The following SALL1 variants were observed in gnomAD, a reference collection of about 807,000 sequenced individuals.
SALL1 encodes the protein sal-like protein 1.
SALL1 carries 10 observed loss-of-function variants against 73.1 expected under a neutral mutation model. The observed-to-expected ratio is 0.14, with a 90% CI of 0.08 to 0.23. SALL1 has a LOEUF of 0.23. Ranked by LOEUF, SALL1 falls within the 10% of genes least tolerant of loss-of-function variation. The pLI, the probability that SALL1 is intolerant of heterozygous loss-of-function variation, is 1.00. For synonymous variants in SALL1, 688 were observed against 689.8 expected, an observed-to-expected ratio of 1.00 and a Z score of 0.04; for missense variants, 1,520 against 1,697.3, an observed-to-expected ratio of 0.90 and a Z score of 1.84.
Position 51,140,911 on chromosome 16 carries a change from T to C in SALL1, c.1311A>G (p.Glu437=). ...ATGCCTCATCGGAAGTACTTTTCGC[T>C]TCAAAGGCAGTGACATTTGGTGGCT... is the stretch of plus-strand genomic sequence containing the variant. ...KSKPPNVTAF[E]AKSTSDEAFF... is the part of the protein sequence containing the mutation. The change falls in exon 2 of 3, where the codon GAA becomes GAG. Residue 437 remains glutamate, a synonymous_variant. Transcript: ENST00000251020. The surrounding 1 kb of genome is among the most constrained non-coding windows in gnomAD (Gnocchi z 5.7). The C allele has an allele frequency of 6.2e-7, 1 of 1,614,218 alleles. No individual in the cohort carries two copies. The highest frequency in any genetic ancestry group is 1.1e-5 in the South Asian group (1 of 91,086).
In SALL1 at chr16:51,140,241, G is replaced by T. The variant is rs1333142713; in HGVS notation, c.1981C>A (p.Pro661Thr). ...TGCTCGGACATGAGCGGCAACAAAG[G>T]GTTGGTGAAGGTGGTGGCACTGCCC... Reference protein sequence around the residue: ...PAGSATTFTNPLLPLMSEQFK... With the variant: ...PAGSATTFTNTLLPLMSEQFK... The change falls in exon 2 of 3, where the codon CCT becomes ACT. Residue 661 changes from proline (P) to threonine (T), a missense_variant. This residue lies in a region of SALL1 where 276 missense variants were observed against 259.1 expected (regional missense o/e 1.07). Transcript: ENST00000251020. The surrounding 1 kb of genome is among the most constrained non-coding windows in gnomAD (Gnocchi z 5.7). 1.2e-6 allele frequency: 2 copies of T among 1,614,208 alleles called. No individual in the cohort carries two copies. The highest frequency in any genetic ancestry group is 4.5e-5 in the East Asian group (2 of 44,868).
chr16:51,146,301 C>T (rs144011343), intron 1 of SALL1, among the ~76,000 whole-genome samples: 2 of 152,180 alleles, frequency 1.3e-5, no homozygotes, highest in Admixed American at 1.3e-4. Context: ...TCCAAGCCCA[C>T]CTAATGTACA....
At chr16:51,142,197 C>T in intron 1 of SALL1, 52 bp from the exon 2 acceptor site, 1 of 1,351,566 alleles carries the variant, frequency 7.4e-7, no homozygotes, top group Non-Finnish European at 1.1e-6. Context: ...GACACACAGT[C>T]ACCTATGACT....
At position 51,141,030 on chromosome 16, in the gene SALL1, C is replaced by A; in HGVS notation, c.1192G>T (p.Ala398Ser). Residue 398 changes from alanine (A) to serine (S), a missense_variant, in exon 2 of 3, where the codon GCT becomes TCT. Coordinates refer to ENST00000251020, the MANE Select transcript of SALL1 (RefSeq NM_002968.3). The surrounding 1 kb of genome is among the most constrained non-coding windows in gnomAD (Gnocchi z 5.4). ...AAAGGGCTGGGGAAAACCGAGTTAG[C>A]GGAGGCTTGCTGAGGTAGAAGTGGA... ...SNPLLPQQAS[A>S]NSVFPSPLPN... 6.2e-7 allele frequency: 1 copy of A among 1,614,124 alleles called. No homozygotes were observed. Among genetic ancestry groups the A allele is most frequent in the Non-Finnish European group, 8.5e-7 (1 of 1,180,040 alleles).
At chr16:51,137,584 G>C (rs1240766839) in intron 2 of SALL1, 32 bp from the exon 3 acceptor site, 1 of 873,692 alleles carries the variant, frequency 1.1e-6, no homozygotes, top group Non-Finnish European at 1.6e-6. Flanking sequence ...CAGAGAGACA[G>C]AGAGAGAGAG....
intron 1 of SALL1, among the ~76,000 whole-genome samples, chr16:51,144,590 G>A (rs56055440): frequency 5.3e-5 from 8 of 152,072 alleles, no homozygotes; most frequent in Non-Finnish European, 1.0e-4. Context: ...CTGTGCTCAC[G>A]ATTAAAAGAG....
chr16:51,151,314 A>C, upstream of SALL1: 1 of 1,199,872 alleles, frequency 8.3e-7, no homozygotes, highest in Non-Finnish European at 1.1e-6. Context: ...ACGGAAATCG[A>C]GCGGCGGCGG....
chr16:51,140,181 CCAG>C lies in SALL1; in HGVS notation c.2038_2040del (p.Leu680del). On this transcript the variant is annotated inframe_deletion, in exon 2 of 3. Transcript: ENST00000251020. The surrounding 1 kb of genome is among the most constrained non-coding windows in gnomAD (Gnocchi z 5.7). ...GACGTCTCTGATGCCTGAGCTGAGT[CCAG>C]GAGTCCCCCAAAAGGAAACTTGGCC... The C allele has an allele frequency of 6.2e-7, 1 of 1,614,148 alleles. No individual in the cohort carries two copies.
chr16:51,136,982 A>C lies in SALL1; in HGVS notation c.*130T>G. 1 of 743,580 alleles carries C rather than the reference A, an allele frequency of 1.3e-6. No homozygotes were observed. Among genetic ancestry groups the C allele is most frequent in the Admixed American group, 2.1e-5 (1 of 47,392 alleles). 46.1% of individuals were successfully genotyped at this position (743,580 alleles called of 1,614,324 possible). On this transcript the variant is annotated 3_prime_UTR_variant, in exon 3 of 3. Transcript: ENST00000251020. ...GAACAAGGTACAAAAGAATGTCTTC[A>C]TAATGTTGTAGTTCATAGATCTGGG...
At position 51,138,972 on chromosome 16, in the gene SALL1, G is replaced by A; in HGVS notation, c.3250C>T (p.Leu1084Phe). 2 of 1,614,176 alleles carry A rather than the reference G, an allele frequency of 1.2e-6. No individual in the cohort carries two copies. Among genetic ancestry groups the A allele is most frequent in the South Asian group, 1.1e-5 (1 of 91,086 alleles). ...AAGCCGTTGACCTCTGTCTTGATGA[G>A]AGATGACAACGAGTTGGCGGGAATC... Reference protein sequence around the residue: ...AVIPANSLSSLIKTEVNGFVH... With the variant: ...AVIPANSLSSFIKTEVNGFVH... The change falls in exon 2 of 3, where the codon CTC becomes TTC. Residue 1084 changes from leucine (L) to phenylalanine (F), a missense_variant. Leu to Phe is a conservative substitution (Grantham distance 22, BLOSUM62 0). Around this residue, in one of 7 missense-constraint regions of SALL1, gnomAD observed 318 missense variants for 357.1 expected, o/e 0.89. Transcript: ENST00000251020.
rs1390849039 is a variant in SALL1, at chr16:51,151,230, C to T, written c.12G>A (p.Arg4=). 1.9e-6 allele frequency: 3 copies of T among 1,599,938 alleles called. No individual in the cohort carries two copies. The highest frequency in any genetic ancestry group is 2.6e-6 in the Non-Finnish European group (3 of 1,174,618). MSR[R]KQAKPQHFQS... ...GGAAATGTTGAGGCTTCGCTTGCTT[C>T]CTCCGCGACATGCTGGCTCAAACAT... The change falls in exon 1 of 3, where the codon AGG becomes AGA. Residue 4 remains arginine (R), a synonymous_variant. Transcript: ENST00000251020.
rs61740811 is a variant in SALL1, at chr16:51,139,912, G to A, written c.2310C>T (p.Ile770=). 7.2e-3 allele frequency: 11,607 copies of A among 1,614,160 alleles called. 663 individuals are homozygous for A. In the African/African-American group the frequency reaches 0.13, roughly 18 times the overall value. Residue 770 remains isoleucine (I), a synonymous_variant, in exon 2 of 3, where the codon ATC becomes ATT. Coordinates refer to ENST00000251020, the MANE Select transcript of SALL1 (RefSeq NM_002968.3). ...CAGCGTTCGTGAACTTCTTCTGGCA[G>A]ATGGGGCAGGAATGCTGGACTCTGA... is the stretch of plus-strand genomic sequence containing the variant. The part of the protein sequence containing the change: ...PPLRVQHSCP[I]CQKKFTNAVV...
intron 1 of SALL1, among the ~76,000 whole-genome samples, chr16:51,145,979 C>CTTTTTTTTTTTTTTTTTTTTT (rs372735955): frequency 1.6e-5 from 2 of 128,890 alleles, no homozygotes; most frequent in Non-Finnish European, 1.7e-5. Context: ...ATTGATTGGT[C>CTTTTTTTTTTTTTTTTTTTTT]TTTTTTTTTT....
Position 51,142,025 on chromosome 16 carries a change from G to A in SALL1, c.197C>T (p.Thr66Ile), listed in dbSNP as rs1348393486. 6 of 1,614,022 alleles carry A rather than the reference G, an allele frequency of 3.7e-6. No homozygotes were observed. In the South Asian group the frequency reaches 4.4e-5, roughly 12 times the overall value. Residue 66 changes from threonine (T) to isoleucine (I), a missense_variant, in exon 2 of 3, where the codon ACT becomes ATT. Thr to Ile is a moderately conservative substitution (Grantham distance 89). Coordinates refer to ENST00000251020, the MANE Select transcript of SALL1 (RefSeq NM_002968.3). ...TACGATTAAAACTAATTGATTTTTA[G>A]TACAGTTCTTCTTGTGGAGCAGAAG... ...SDLLLHKKNC[T>I]KNQLVLIVNE...
At position 51,139,203 on chromosome 16, in the gene SALL1, C is replaced by A; in HGVS notation, c.3019G>T (p.Gly1007Cys). ...KFKNTACDIC[G>C]KTFACQSALD... ...GCACTCTGACAAGCAAATGTTTTGCCACAAATGTCACAAGCAGTGTTTTTA... is the reference window on the plus strand; with the variant it reads ...GCACTCTGACAAGCAAATGTTTTGCAACAAATGTCACAAGCAGTGTTTTTA... The change falls in exon 2 of 3, where the codon GGC (glycine) becomes TGC (cysteine). Residue 1007 changes from glycine to cysteine, a missense_variant. By Grantham distance (159) the Gly-to-Cys change is radical (BLOSUM62 -3). This residue lies in a region of SALL1 where 266 missense variants were observed against 275.1 expected (regional missense o/e 0.97). Coordinates refer to ENST00000251020, the MANE Select transcript of SALL1 (RefSeq NM_002968.3). 1 of 1,614,160 alleles carries A rather than the reference C, an allele frequency of 6.2e-7. No homozygotes were observed. Among genetic ancestry groups the A allele is most frequent in the Non-Finnish European group, 8.5e-7 (1 of 1,180,044 alleles).
chr16:51,148,545 C>A (rs1268126179), intron 1 of SALL1, among the ~76,000 whole-genome samples: 2 of 152,052 alleles, frequency 1.3e-5, no homozygotes, highest in Non-Finnish European at 2.9e-5. Flanking sequence ...CAAAACAAAA[C>A]AGAAAATCCA....
rs767028554 is a variant in SALL1, at chr16:51,142,102, C to A, written c.120G>T (p.Lys40Asn). 8 of 1,613,532 alleles carry A rather than the reference C, an allele frequency of 5.0e-6. No homozygotes were observed. The Admixed American group carries it at 1.0e-4, about 20-fold the overall frequency. Reference sequence around the variant, plus strand: ...AGCACCGGCCACAGACGTGGGCATCCTTGCTCTTAGTAGGGCGACTCGGTT... The same window carrying A: ...AGCACCGGCCACAGACGTGGGCATCATTGCTCTTAGTAGGGCGACTCGGTT... The part of the protein sequence containing the change: ...KGQPSRPTKS[K>N]DAHVCGRCCA... The change falls in exon 2 of 3, where the codon AAG becomes AAT. Residue 40 changes from lysine (K) to asparagine (N), a missense_variant. Around this residue, in one of 7 missense-constraint regions of SALL1, gnomAD observed 540 missense variants for 567.5 expected, o/e 0.95. Coordinates refer to ENST00000251020, the MANE Select transcript of SALL1 (RefSeq NM_002968.3).
chr16:51,144,667 G>A (rs963533046), intron 1 of SALL1, among the ~76,000 whole-genome samples: 3 of 152,108 alleles, frequency 2.0e-5, no homozygotes, highest in Non-Finnish European at 4.4e-5. Flanking sequence ...TAAAAGGAAG[G>A]TTACTTTACA....
chr16:51,149,732 G>A (rs1298423541), intron 1 of SALL1: 1 of 152,168 alleles, frequency 6.6e-6, no homozygotes, highest in Admixed American at 6.5e-5. Context: ...TAAAGGGAGC[G>A]GGGGTCCCTT....
Sources: allele counts gnomAD v4.1 joint callset (sites outside exome capture counted in the v4.1 genomes callset), GRCh38; gene constraint gnomAD v4.1.1; regional missense constraint gnomAD v4.1.1; non-coding constraint Gnocchi (gnomAD v3.1); transcripts MANE v1.5; gene names NCBI Gene and HGNC (gene_info 2026-07-23, HGNC 2026-07-21).